Variants in PTPRN2 observed in about 807,000 individuals in gnomAD.
PTPRN2 encodes the protein receptor-type tyrosine-protein phosphatase N2.
PTPRN2 carries 74 observed loss-of-function variants against 118.8 expected under a neutral mutation model. The observed-to-expected ratio is 0.62, with a 90% CI of 0.52 to 0.76. PTPRN2 has a LOEUF of 0.76. PTPRN2 is among the 30% of genes least tolerant of loss of function. The probability of loss-of-function intolerance (pLI) is 0.00; values close to 1 mark genes in which losing one functional copy is unlikely to be tolerated. For synonymous variants in PTPRN2, 641 were observed against 608.0 expected (o/e 1.05, Z -0.80); for missense variants, 1,481 against 1,394.4 (o/e 1.06, Z -0.99).
intron 10 of PTPRN2, among the ~76,000 whole-genome samples, chr7:158,083,417 A>G (rs1812996261): frequency 2.0e-5 from 3 of 152,324 alleles, no homozygotes; most frequent in South Asian, 4.2e-4. Context: ...GGCATCTGTG[A>G]AACTGTAATC....
Position 158,489,751 on chromosome 7 carries a change from G to T in PTPRN2, c.147C>A (p.Ser49=), listed in dbSNP as rs751259187. The change falls in exon 2 of 23, where the codon TCC becomes TCA. Residue 49 remains serine, a synonymous_variant. Coordinates refer to ENST00000389418, the MANE Select transcript of PTPRN2 (RefSeq NM_002847.5). ...CACACTCACCGTTCACACAGGCCTC[G>T]GACGCTCCGCAGAGGCCCTCCTCGA... ...CLLEEGLCGA[S]EACVNDGVFG... 6.3e-7 allele frequency: 1 copy of T among 1,583,828 alleles called. No homozygotes were observed. Among genetic ancestry groups the T allele is most frequent in the Non-Finnish European group, 8.6e-7 (1 of 1,166,220 alleles).
chr7:157,705,377 C>G (rs777476170), intron 12 of PTPRN2, among the ~76,000 whole-genome samples: 8 of 152,214 alleles, frequency 5.3e-5, no homozygotes, highest in Non-Finnish European at 1.2e-4. Context: ...GACAAGGTAA[C>G]CTGCTTAAGG....
rs539897118 is a variant in PTPRN2 at position 158,186,740 on chromosome 7, C to T, written c.549+5587G>A. Among the ~76,000 whole-genome samples, 3 of 152,378 alleles carry T rather than the reference C, an allele frequency of 2.0e-5. No homozygotes were observed. In the South Asian group the frequency reaches 6.2e-4, roughly 32 times the overall value. On this transcript the variant is annotated intron_variant, in intron 5 of 22. Coordinates refer to ENST00000389418, the MANE Select transcript of PTPRN2 (RefSeq NM_002847.5). ...CCCCTCTGGCATGAGTGCACCTTTA[C>T]TTTCTGTGTTCCCTCCATCACAGCA...
chr7:157,779,244 G>C lies in PTPRN2; in HGVS notation c.1789-96307C>G, dbSNP rs528642013. ...CTCCTTGCCATGGGAGCCCCGCCCT[G>C]GCTGCCAGGCTTCCCTGGGCAAGGT... On this transcript the variant is annotated intron_variant, in intron 12 of 22. Coordinates refer to ENST00000389418, the MANE Select transcript of PTPRN2 (RefSeq NM_002847.5). This position sits in a 1 kb window ranked among gnomAD's most constrained non-coding sequence, Gnocchi z 4.7. Among the ~76,000 whole-genome samples, 3 of 152,308 alleles carry C rather than the reference G, an allele frequency of 2.0e-5. No homozygotes were observed. In the East Asian group the frequency reaches 5.8e-4, roughly 29 times the overall value.
chr7:158,357,740 G>A (rs954943224), intron 2 of PTPRN2, among the ~76,000 whole-genome samples: 14 of 152,346 alleles, frequency 9.2e-5, no homozygotes, highest in African/African-American at 3.1e-4. Flanking sequence ...GGACCATTCC[G>A]GGGAGAAAGA....
rs1209667494 is a variant in PTPRN2 at position 157,674,388 on chromosome 7, G to T, written c.2001+8337C>A. Among the ~76,000 whole-genome samples the T allele has an allele frequency of 6.6e-6, 1 of 152,166 alleles. No homozygotes were observed. The highest frequency in any genetic ancestry group is 2.4e-5 in the African/African-American group (1 of 41,440). On this transcript the variant is annotated intron_variant, in intron 13 of 22. Transcript: ENST00000389418. The surrounding 1 kb of genome is among the most constrained non-coding windows in gnomAD (Gnocchi z 4.5). ...CGAAGTGATCCCCGTTTGACATTTG[G>T]AAATGACTTTCATCTGCTGGGTCCT... is the stretch of plus-strand genomic sequence containing the variant.
chr7:157,698,562 T>C (rs1797920760), intron 12 of PTPRN2, among the ~76,000 whole-genome samples: 2 of 152,252 alleles, frequency 1.3e-5, no homozygotes. Context: ...TTCAAAGTTA[T>C]AATTCAAAGA....
chr7:158,494,982 C>G (rs889466449), intron 1 of PTPRN2, among the ~76,000 whole-genome samples: 2 of 152,198 alleles, frequency 1.3e-5, no homozygotes, highest in African/African-American at 4.8e-5. Context: ...CACGCCCAAT[C>G]CGACCCTGTT....
At chr7:158,060,408 T>C (rs75610521) in intron 11 of PTPRN2, among the ~76,000 whole-genome samples, 3,033 of 152,028 alleles carry the variant, frequency 0.02, 85 homozygotes, top group African/African-American at 0.063. Flanking sequence ...GCCGTGTGTG[T>C]GTAACCTGCT....
At chr7:157,998,197 G>C (rs1362011329) in intron 11 of PTPRN2, among the ~76,000 whole-genome samples, 2 of 152,066 alleles carry the variant, frequency 1.3e-5, no homozygotes, top group Non-Finnish European at 2.9e-5. Context: ...CCGGGCTGCA[G>C]CCTGGCTTCA....
intron 3 of PTPRN2, among the ~76,000 whole-genome samples, chr7:158,292,398 C>A (rs1800181522): frequency 6.6e-6 from 1 of 152,282 alleles, no homozygotes; most frequent in Middle Eastern, 3.4e-3. Flanking sequence ...TCTAACTGAC[C>A]TCATACTTTA....
intron 3 of PTPRN2, among the ~76,000 whole-genome samples, chr7:158,228,517 G>A (rs1044043758): frequency 1.3e-5 from 2 of 152,064 alleles, no homozygotes; most frequent in African/African-American, 4.8e-5. Context: ...TGGTGGTGCA[G>A]TAGAAGCAAG....
Position 157,540,593 on chromosome 7 carries a change from G to T in PTPRN2, c.*121C>A. ...TTAACTGCTAAACTGCGCTGACTAC[G>T]GGAGAGCTAAGGGCCCTATTACTAT... On this transcript the variant is annotated 3_prime_UTR_variant, in exon 23 of 23. Transcript: ENST00000389418. 1 of 720,838 alleles carries T rather than the reference G, an allele frequency of 1.4e-6. No homozygotes were observed. The highest frequency in any genetic ancestry group is 2.2e-6 in the Non-Finnish European group (1 of 452,012). The allele number at this position is 720,838 out of a possible 1,614,324, so 44.7% of individuals were successfully genotyped here.
intron 3 of PTPRN2, among the ~76,000 whole-genome samples, chr7:158,303,907 T>C (rs1038999365): frequency 6.6e-6 from 1 of 152,270 alleles, no homozygotes; most frequent in Admixed American, 6.5e-5. Context: ...GAGCCACATG[T>C]GGGTGACCAA....
intron 12 of PTPRN2, among the ~76,000 whole-genome samples, chr7:157,803,903 CA>C (rs1209052554): frequency 6.6e-6 from 1 of 152,144 alleles, no homozygotes; most frequent in African/African-American, 2.4e-5. Context: ...CAAAATATGT[CA>C]ACTTTTCTTT....
At chr7:158,435,194 A>G (rs553104658) in intron 2 of PTPRN2, among the ~76,000 whole-genome samples, 2 of 152,236 alleles carry the variant, frequency 1.3e-5, no homozygotes, top group Non-Finnish European at 1.5e-5. Context: ...TGCAAATCGT[A>G]TAACTTTTTA....
At position 157,817,501 on chromosome 7, in the gene PTPRN2, G is replaced by A. The variant is rs191041896; in HGVS notation, c.1788+81172C>T. Among the ~76,000 whole-genome samples the A allele has an allele frequency of 1.5e-3, 221 of 152,244 alleles. 2 individuals carry two copies. The highest frequency in any genetic ancestry group is 4.7e-3 in the African/African-American group (196 of 41,544). On this transcript the variant is annotated intron_variant, in intron 12 of 22. Transcript: ENST00000389418. ...GGAGCCACCCCAGAGCCACCATCACGGCACCGTTTCATCCCATCCAGTCCT... is the reference window on the plus strand; with the variant it reads ...GGAGCCACCCCAGAGCCACCATCACAGCACCGTTTCATCCCATCCAGTCCT...
intron 13 of PTPRN2, among the ~76,000 whole-genome samples, chr7:157,678,266 C>T (rs1043312716): frequency 6.6e-6 from 1 of 152,142 alleles, no homozygotes; most frequent in African/African-American, 2.4e-5. Context: ...GAAAGCCATT[C>T]TAAGATACAG....
chr7:157,984,619 C>A (rs570544213), intron 11 of PTPRN2, among the ~76,000 whole-genome samples: 13 of 152,224 alleles, frequency 8.5e-5, no homozygotes, highest in African/African-American at 2.6e-4. Flanking sequence ...CCCGCCGCGC[C>A]CTCCATGAAG....
Sources: gnomAD v4.1 joint callset for allele counts (sites outside exome capture counted in the v4.1 genomes callset) on GRCh38, gnomAD v4.1.1 for gene constraint, Gnocchi (gnomAD v3.1) non-coding constraint, MANE v1.5 for transcripts, NCBI Gene and HGNC (gene_info 2026-07-23, HGNC 2026-07-21) for gene names.